Variants in RBBP8 observed in about 807,000 individuals in gnomAD.
The protein encoded by RBBP8 is RB binding protein 8, endonuclease, also known as DNA endonuclease RBBP8.
In RBBP8, 88 loss-of-function variants were observed where a neutral mutation model predicts 108.3. The observed-to-expected ratio is 0.81, with a 90% CI of 0.68 to 0.97. The LOEUF (loss-of-function observed/expected upper bound fraction) is 0.97. RBBP8 is among the 50% of genes least tolerant of loss of function. RBBP8 has a pLI of 0.00. For missense variants in RBBP8, 1,023 were observed against 1,049.0 expected, an observed-to-expected ratio of 0.98 and a Z score of 0.34; for synonymous variants, 332 against 348.2, an observed-to-expected ratio of 0.95 and a Z score of 0.52.
intron 5 of RBBP8, among the ~76,000 whole-genome samples, chr18:22,969,496 A>G (rs1175987203): frequency 6.6e-6 from 1 of 152,098 alleles, no homozygotes; most frequent in East Asian, 1.9e-4. Flanking sequence ...CTCACAATCA[A>G]TATATTCAAA....
intron 7 of RBBP8, 68 bp downstream of exon 7, chr18:22,982,461 T>C (rs531026463): frequency 1.5e-4 from 243 of 1,604,944 alleles, no homozygotes; most frequent in Non-Finnish European, 2.0e-4. Flanking sequence ...AGTTTTTATG[T>C]TATTCAATCT....
intron 10 of RBBP8, among the ~76,000 whole-genome samples, chr18:22,992,196 G>A (rs552068970): frequency 1.1e-4 from 17 of 152,212 alleles, no homozygotes; most frequent in Admixed American, 9.2e-4. Context: ...GTTCTCAGTG[G>A]AATTTATTAA....
In RBBP8 at chr18:22,982,338, T is replaced by A; in HGVS notation, c.549T>A (p.His183Gln). The A allele has an allele frequency of 6.2e-7, 1 of 1,614,186 alleles. No individual in the cohort carries two copies. Among genetic ancestry groups the A allele is most frequent in the South Asian group, 1.1e-5 (1 of 91,082 alleles). ...GGCTACGAAGAAAGGAGAACCCCCA[T>A]GTCCGATACATAGAACAAACACATA... ...VNRLRRKENPHVRYIEQTHTK... is the reference protein window; with the variant it reads ...VNRLRRKENPQVRYIEQTHTK... The change falls in exon 7 of 19, where the codon CAT becomes CAA. Residue 183 changes from histidine (H) to glutamine (Q), a missense_variant. Transcript: ENST00000327155.
At chr18:23,025,515 G>C (rs2046438003) in intron 18 of RBBP8, among the ~76,000 whole-genome samples, 1 of 152,212 alleles carries the variant, frequency 6.6e-6, no homozygotes, top group African/African-American at 2.4e-5. Context: ...GAATCAGTCT[G>C]GATAGAGCCT....
At chr18:23,004,038 C>T (rs2045993044) in intron 15 of RBBP8, among the ~76,000 whole-genome samples, 1 of 114,362 alleles carries the variant, frequency 8.7e-6, no homozygotes, top group Non-Finnish European at 1.7e-5. Context: ...GCCTGGGCAA[C>T]AGCGCAAGAC....
chr18:22,996,733 ATGCC>A (rs2045866056), intron 13 of RBBP8, among the ~76,000 whole-genome samples: 2 of 151,996 alleles, frequency 1.3e-5, no homozygotes, highest in African/African-American at 2.4e-5. Context: ...GCAGTGGCTC[ATGCC>A]TGTAATCCCA....
At chr18:23,006,806 G>T (rs1042616549) in intron 16 of RBBP8, among the ~76,000 whole-genome samples, 25 of 150,530 alleles carry the variant, frequency 1.7e-4, no homozygotes, top group African/African-American at 6.1e-4. Context: ...CTGGCCAGTC[G>T]AGCTGTCTTT....
chr18:22,943,184 G>A (rs1242640009), intron 2 of RBBP8, among the ~76,000 whole-genome samples: 3 of 151,006 alleles, frequency 2.0e-5, no homozygotes, highest in East Asian at 1.9e-4. Flanking sequence ...GGGCACAGTG[G>A]CACACACTTG....
chr18:22,942,495 C>T (rs1409711905), intron 2 of RBBP8, among the ~76,000 whole-genome samples: 1 of 152,038 alleles, frequency 6.6e-6, no homozygotes, highest in Non-Finnish European at 1.5e-5. Context: ...AATATGCAAA[C>T]CAGACCATTT....
chr18:22,976,638 T>C (rs1431813043), intron 6 of RBBP8, among the ~76,000 whole-genome samples: 4 of 152,140 alleles, frequency 2.6e-5, no homozygotes, highest in African/African-American at 9.6e-5. Context: ...TTTCATTTTT[T>C]TTAAAAAATA....
At chr18:23,006,985 TTG>T (rs997781551) in intron 16 of RBBP8, among the ~76,000 whole-genome samples, 2 of 152,040 alleles carry the variant, frequency 1.3e-5, no homozygotes, top group Middle Eastern at 3.4e-3. Flanking sequence ...TTCTCTGCTT[TTG>T]TGTGTGTGCG....
chr18:22,919,469 A>G (rs1227498658), intron 3 of RBBP8, among the ~76,000 whole-genome samples: 1 of 152,234 alleles, frequency 6.6e-6, no homozygotes, highest in Non-Finnish European at 1.5e-5. Context: ...GAATCTTTTC[A>G]CTTAAATTGT....
chr18:22,996,531 C>T (rs2045862402), intron 13 of RBBP8, 69 bp downstream of exon 13: 4 of 1,581,880 alleles, frequency 2.5e-6, no homozygotes, highest in Admixed American at 1.8e-5. Context: ...AACCTCCTCT[C>T]GTGACTCACT....
At chr18:22,979,329 ATT>A (rs1914726606) in intron 6 of RBBP8, among the ~76,000 whole-genome samples, 1 of 152,050 alleles carries the variant, frequency 6.6e-6, no homozygotes, top group African/African-American at 2.4e-5. Flanking sequence ...TGTTTATTTT[ATT>A]TAAAATTTAA....
intron 16 of RBBP8, among the ~76,000 whole-genome samples, chr18:23,011,593 C>G (rs1296305094): frequency 6.6e-6 from 1 of 151,978 alleles, no homozygotes; most frequent in Non-Finnish European, 1.5e-5. Context: ...CCCGCCACCA[C>G]GCCTGGCTAA....
In RBBP8 at chr18:23,006,388, C is replaced by G. The variant is rs1397217526; in HGVS notation, c.2313C>G (p.Val771=). 1 of 1,613,500 alleles carries G rather than the reference C, an allele frequency of 6.2e-7. No homozygotes were observed. The highest frequency in any genetic ancestry group is 1.1e-5 in the South Asian group (1 of 91,044). The change falls in exon 16 of 19, where the codon GTC becomes GTG. Residue 771 remains valine, a synonymous_variant. Coordinates refer to ENST00000327155, the MANE Select transcript of RBBP8 (RefSeq NM_002894.3). ...LHTHGDKQDK[V]KQKAFVEPYF... ...CTCATGGTGATAAACAAGACAAAGT[C>G]AAGCAGAAAGCGTTTGTGGAGCCGT...
intron 1 of RBBP8, among the ~76,000 whole-genome samples, chr18:22,934,972 AAT>A (rs1910409283): frequency 6.7e-6 from 1 of 148,294 alleles, no homozygotes; most frequent in African/African-American, 2.4e-5. Context: ...TATATTAAAT[AAT>A]ATATAAATAC....
chr18:22,937,014 T>G, intron 2 of RBBP8, 54 bp downstream of exon 2: 11 of 1,604,328 alleles, frequency 6.9e-6, no homozygotes, highest in Non-Finnish European at 9.4e-6. Flanking sequence ...CTGTAGTGGC[T>G]TTGTATACCT....
intron 4 of RBBP8, among the ~76,000 whole-genome samples, chr18:22,959,672 G>A (rs1035739036): frequency 1.3e-5 from 2 of 151,390 alleles, no homozygotes; most frequent in African/African-American, 2.4e-5. Context: ...AATCACGTAC[G>A]TAATATCCAA....
Sources: gnomAD v4.1 joint callset for allele counts (sites outside exome capture counted in the v4.1 genomes callset) on GRCh38, gnomAD v4.1.1 for gene constraint, MANE v1.5 for transcripts, NCBI Gene and HGNC (gene_info 2026-07-23, HGNC 2026-07-21) for gene names.